Variants in CFAP299 observed in about 807,000 individuals in gnomAD.
CFAP299 encodes the protein cilia- and flagella-associated protein 299.
In CFAP299, 21 loss-of-function variants were observed where a neutral mutation model predicts 27.0. That is an observed-to-expected ratio of 0.78 (90% CI 0.55 to 1.12). The LOEUF is 1.12. Ranked by LOEUF, CFAP299 falls within the 50% of genes most tolerant of loss-of-function variation. The probability of loss-of-function intolerance (pLI) is 0.00; values close to 1 mark genes in which losing one functional copy is unlikely to be tolerated. For missense variants in CFAP299, 310 were observed against 276.6 expected (o/e 1.12, Z -0.86); for synonymous variants, 104 against 98.1 (o/e 1.06, Z -0.36).
intron 4 of CFAP299, among the ~76,000 whole-genome samples, chr4:80,941,142 G>T (rs977320572): frequency 1.3e-5 from 2 of 152,088 alleles, no homozygotes; most frequent in Non-Finnish European, 2.9e-5. Flanking sequence ...TGTAAATGTT[G>T]TATAAATAGT....
At chr4:80,606,941 C>A (rs1172773031) in intron 3 of CFAP299, among the ~76,000 whole-genome samples, 1 of 152,006 alleles carries the variant, frequency 6.6e-6, no homozygotes, top group Non-Finnish European at 1.5e-5. Flanking sequence ...GGGATAATAA[C>A]TTTGATATAA....
intron 3 of CFAP299, among the ~76,000 whole-genome samples, chr4:80,665,157 G>A (rs182207260): frequency 7.8e-4 from 119 of 152,232 alleles, no homozygotes; most frequent in African/African-American, 2.5e-3. Flanking sequence ...ACTGCAGACC[G>A]GAGCTGTTTC....
chr4:80,902,715 T>C (rs1203613567), intron 4 of CFAP299, among the ~76,000 whole-genome samples: 1 of 151,032 alleles, frequency 6.6e-6, no homozygotes, highest in East Asian at 1.9e-4. Context: ...AAGAAATTGT[T>C]TCAAGATAAC....
intron 4 of CFAP299, among the ~76,000 whole-genome samples, chr4:80,891,506 A>G (rs1391515806): frequency 1.4e-5 from 2 of 146,228 alleles, no homozygotes; most frequent in African/African-American, 5.2e-5. Context: ...TCAGTAAACT[A>G]TCGCAAGAAC....
At chr4:80,689,477 C>G (rs1309653815) in intron 3 of CFAP299, among the ~76,000 whole-genome samples, 1 of 152,208 alleles carries the variant, frequency 6.6e-6, no homozygotes, top group Non-Finnish European at 1.5e-5. Context: ...AAATACTTTA[C>G]AGACAAGCAA....
At chr4:80,649,955 A>T (rs756147464) in intron 3 of CFAP299, among the ~76,000 whole-genome samples, 16 of 152,070 alleles carry the variant, frequency 1.1e-4, no homozygotes, top group Non-Finnish European at 2.1e-4. Flanking sequence ...TACGTGATTA[A>T]TAGGAAGGAG....
intron 3 of CFAP299, among the ~76,000 whole-genome samples, chr4:80,690,533 C>T (rs899984929): frequency 6.6e-6 from 1 of 151,638 alleles, no homozygotes; most frequent in Non-Finnish European, 1.5e-5. Context: ...CTCTGGGACG[C>T]ATTCAAAGCA....
At chr4:80,543,915 G>A (rs1222618479) in intron 2 of CFAP299, among the ~76,000 whole-genome samples, 1 of 151,674 alleles carries the variant, frequency 6.6e-6, no homozygotes, top group Non-Finnish European at 1.5e-5. Context: ...CAGTGGAAAA[G>A]AAAAAAAATC....
intron 2 of CFAP299, among the ~76,000 whole-genome samples, chr4:80,368,506 G>T (rs2110005905): frequency 6.6e-6 from 1 of 152,194 alleles, no homozygotes; most frequent in African/African-American, 2.4e-5. Context: ...AGAAATGTCT[G>T]TTAACTTATA....
chr4:80,913,851 T>A (rs1173363225), intron 4 of CFAP299, among the ~76,000 whole-genome samples: 1 of 152,196 alleles, frequency 6.6e-6, no homozygotes, highest in Non-Finnish European at 1.5e-5. Context: ...CCCTTTGTAT[T>A]TGATCCTCAA....
rs558187564 is a variant in CFAP299 at position 80,428,202 on chromosome 4, C to A, written c.242+65318C>A. Among the ~76,000 whole-genome samples the A allele has an allele frequency of 1.2e-4, 18 of 152,330 alleles. No individual in the cohort carries two copies. The South Asian group carries it at 3.7e-3, about 32-fold the overall frequency. The stretch of plus-strand genomic sequence containing the variant: ...CTATTCTGATGCTATTATTCCTTGG[C>A]TACATACTATATCTCCTCTAATAAA... On this transcript the variant is annotated intron_variant, in intron 2 of 5. Transcript: ENST00000358105.
At chr4:80,323,308 G>A in the CFAP299 span, among the ~76,000 whole-genome samples, 223 of 152,280 alleles carry the variant, frequency 1.5e-3, 5 homozygotes, top group Non-Finnish European at 4.9e-4. Flanking sequence ...TCTTTGTTTT[G>A]TGCAGTTCAT....
intron 5 of CFAP299, 31 bp downstream of exon 5, chr4:80,944,970 C>T (rs1272831435): frequency 1.3e-6 from 2 of 1,586,946 alleles, no homozygotes; most frequent in South Asian, 1.1e-5. Flanking sequence ...AGTTAGTTAC[C>T]TCTTCACATG....
intron 2 of CFAP299, among the ~76,000 whole-genome samples, chr4:80,479,348 C>T (rs1292882747): frequency 6.6e-6 from 1 of 151,968 alleles, no homozygotes; most frequent in African/African-American, 2.4e-5. Flanking sequence ...GTATCTCTTT[C>T]ATCCCAAGGC....
intron 3 of CFAP299, among the ~76,000 whole-genome samples, chr4:80,866,917 A>G (rs1732780038): frequency 6.6e-6 from 1 of 152,222 alleles, no homozygotes; most frequent in Non-Finnish European, 1.5e-5. Context: ...CATTTTACTT[A>G]CAAGAACAAT....
intron 3 of CFAP299, among the ~76,000 whole-genome samples, chr4:80,612,664 TA>T (rs1365985163): frequency 2.0e-5 from 3 of 152,172 alleles, no homozygotes; most frequent in Admixed American, 2.0e-4. Flanking sequence ...TGGTTTAATT[TA>T]AACTATTTCA....
rs531793069 is a variant in CFAP299, at chr4:80,963,397, G to A, written c.607-120G>A. 1.1e-3 allele frequency: 744 copies of A among 648,742 alleles called. 2 individuals carry two copies. The highest frequency in any genetic ancestry group is 1.7e-3 in the Non-Finnish European group (647 of 371,514). 40.2% of individuals were successfully genotyped at this position (648,742 alleles called of 1,614,324 possible). A position where few individuals can be genotyped will look rare whatever the true frequency, so the allele number is the denominator to read the frequency against. ...AGGGGGAAAACATGTATATATCTCC[G>A]TGGAAACAAACTTGCTAGTTTTTTT... is the stretch of plus-strand genomic sequence containing the variant. On this transcript the variant is annotated intron_variant, in intron 5 of 5. Coordinates refer to ENST00000358105, the MANE Select transcript of CFAP299 (RefSeq NM_152770.3).
intron 2 of CFAP299, among the ~76,000 whole-genome samples, chr4:80,514,995 A>G (rs944809940): frequency 2.6e-5 from 4 of 152,162 alleles, no homozygotes; most frequent in African/African-American, 9.6e-5. Flanking sequence ...TGTCTATTCT[A>G]ATAGAAAGAA....
intron 4 of CFAP299, chr4:80,872,108 A>T (rs1207151957): frequency 6.6e-6 from 1 of 152,030 alleles, no homozygotes; most frequent in Non-Finnish European, 1.5e-5. Flanking sequence ...TGTTTATTCT[A>T]CTATCTATGT....
Sources: gnomAD v4.1 joint callset for allele counts (sites outside exome capture counted in the v4.1 genomes callset) on GRCh38, gnomAD v4.1.1 for gene constraint, MANE v1.5 for transcripts, NCBI Gene and HGNC (gene_info 2026-07-23, HGNC 2026-07-21) for gene names.